Variants in ADCY6 observed in about 807,000 individuals in gnomAD.
ADCY6 encodes the protein adenylate cyclase type 6.
A neutral mutation model predicts 111.6 loss-of-function variants in ADCY6; 59 were observed. The observed-to-expected ratio is 0.53, with a 90% CI of 0.43 to 0.66. The LOEUF is 0.66. Among genes scored for constraint, ADCY6 ranks in the 30% least tolerant of loss-of-function variants. The probability of loss-of-function intolerance (pLI) is 0.00; values close to 1 mark genes in which losing one functional copy is unlikely to be tolerated. For synonymous variants in ADCY6, 576 were observed against 642.9 expected (o/e 0.90, Z 1.57); for missense variants, 1,242 against 1,595.6 (o/e 0.78, Z 3.78).
chr12:48,781,851 C>T (rs1941853077), intron 2 of ADCY6, among the ~76,000 whole-genome samples: 2 of 152,230 alleles, frequency 1.3e-5, no homozygotes, highest in East Asian at 3.8e-4. Flanking sequence ...GAGGCAGCAA[C>T]AGGCATGGAC....
rs1019150760 is a variant in ADCY6, at chr12:48,777,517, G to A, written c.1141C>T (p.Leu381=). The A allele has an allele frequency of 2.5e-6, 4 of 1,614,056 alleles. No homozygotes were observed. Among genetic ancestry groups the A allele is most frequent in the Middle Eastern group, 1.6e-4 (1 of 6,084 alleles). Residue 381 remains leucine (L), a synonymous_variant, in exon 5 of 22, where the codon CTG becomes TTG. Transcript: ENST00000357869. The surrounding 1 kb of genome is among the most constrained non-coding windows in gnomAD (Gnocchi z 4.9). ...YIQKHDNVSI[L]FADIEGFTSL... is the part of the protein sequence containing the mutation. ...GTGAAGCCCTCAATGTCTGCAAACA[G>A]GATGCTGTAGATGACAGCAGAGGAT...
In ADCY6 at chr12:48,771,792, TCA is replaced by T. The variant is rs762784516; in HGVS notation, c.2967_2968del (p.Glu990ValfsTer10). ...GTTTGCCTCCAGCTCCACATAGAAC[TCA>T]GAGAAGTTGGCAATGGAGGCAAACA... On this transcript the variant is annotated frameshift_variant, in exon 19 of 22. Coordinates refer to ENST00000357869, the MANE Select transcript of ADCY6 (RefSeq NM_015270.5). LOFTEE classifies it high-confidence loss of function. This position sits in a 1 kb window ranked among gnomAD's most constrained non-coding sequence, Gnocchi z 4.3. 6.2e-7 allele frequency: 1 copy of T among 1,614,124 alleles called. No homozygotes were observed. The highest frequency in any genetic ancestry group is 1.7e-5 in the Admixed American group (1 of 60,022).
intron 14 of ADCY6, 134 bp downstream of exon 14, chr12:48,774,268 G>C: frequency 9.3e-7 from 1 of 1,080,734 alleles, no homozygotes; most frequent in Non-Finnish European, 1.4e-6. Context: ...AGGAGAACCG[G>C]AGTTAACCTT....
chr12:48,775,056 TGAGG>T lies in ADCY6; in HGVS notation c.1981-6_1981-3del. On this transcript the variant is annotated splice_region_variant and splice_polypyrimidine_tract_variant and intron_variant, in intron 11 of 21. Transcript: ENST00000357869. ...GCGGGGATCCACCTTCCGGGAGTAC[TGAGG>T]GAGAGGAGGCTGAGCTGAGTGCTGG... The T allele has an allele frequency of 1.3e-6, 2 of 1,553,384 alleles. No individual in the cohort carries two copies. Among genetic ancestry groups the T allele is most frequent in the Non-Finnish European group, 1.7e-6 (2 of 1,147,768 alleles).
chr12:48,788,885 C>A, intron 1 of ADCY6, 21 bp downstream of exon 1: 1 of 151,476 alleles, frequency 6.6e-6, no homozygotes, highest in South Asian at 2.0e-4. Flanking sequence ...GGCCACTTCC[C>A]CTAGCCCTCA....
intron 10 of ADCY6, 35 bp from the exon 11 acceptor site, chr12:48,775,485 G>T (rs1399364448): frequency 1.2e-6 from 2 of 1,611,934 alleles, no homozygotes; most frequent in Non-Finnish European, 1.7e-6. Flanking sequence ...CCAGTTGCAT[G>T]GGCATGGCCA....
intron 14 of ADCY6, 97 bp downstream of exon 14, chr12:48,774,305 A>G: frequency 7.7e-7 from 1 of 1,305,060 alleles, no homozygotes; most frequent in Non-Finnish European, 1.1e-6. Context: ...GGGCTCCCTG[A>G]GGGCAGAAAA....
chr12:48,769,152 G>A (rs1211197772), intron 20 of ADCY6, 91 bp from the exon 21 acceptor site: 2 of 1,334,406 alleles, frequency 1.5e-6, no homozygotes, highest in Admixed American at 5.3e-5. Context: ...GAAGGACCCA[G>A]AGAAAAAAAT....
chr12:48,785,646 T>C (rs1941967229), intron 1 of ADCY6, among the ~76,000 whole-genome samples: 1 of 152,118 alleles, frequency 6.6e-6, no homozygotes, highest in African/African-American at 2.4e-5. Flanking sequence ...ATAATAAATG[T>C]TCATTGAGTA....
chr12:48,776,712 C>G lies in ADCY6; in HGVS notation c.1377-126G>C. On this transcript the variant is annotated intron_variant, in intron 6 of 21. Transcript: ENST00000357869. The surrounding 1 kb of genome is among the most constrained non-coding windows in gnomAD (Gnocchi z 6.1). ...GACCCAGATGCAGGGGACGGGAGCA[C>G]AGCCTTGGTTGGACATGAGCAGAAG... is the stretch of plus-strand genomic sequence containing the variant. The G allele has an allele frequency of 7.8e-7, 1 of 1,289,652 alleles. No individual in the cohort carries two copies. Among genetic ancestry groups the G allele is most frequent in the Non-Finnish European group, 1.0e-6 (1 of 959,714 alleles). The allele number at this position is 1,289,652 out of a possible 1,614,324, so 79.9% of individuals were successfully genotyped here.
chr12:48,769,856 G>A (rs1274367592), intron 20 of ADCY6, among the ~76,000 whole-genome samples: 1 of 151,276 alleles, frequency 6.6e-6, no homozygotes, highest in East Asian at 1.9e-4. Context: ...CCGCCTCCCG[G>A]GTTCACACCA....
intron 2 of ADCY6, among the ~76,000 whole-genome samples, chr12:48,778,661 T>C (rs1941769181): frequency 6.6e-6 from 1 of 152,168 alleles, no homozygotes; most frequent in African/African-American, 2.4e-5. Flanking sequence ...CATCCTCCTG[T>C]GAGTGACCCA....
Position 48,783,043 on chromosome 12 carries a change from A to C in ADCY6, c.392T>G (p.Phe131Cys). 6.2e-7 allele frequency: 1 copy of C among 1,613,462 alleles called. No individual in the cohort carries two copies. Among genetic ancestry groups the C allele is most frequent in the Non-Finnish European group, 8.5e-7 (1 of 1,179,856 alleles). ...CAGGCGCTCCAGCTTGGCCGAACGG[A>C]ACTGCTTCGACTGGAACACCTGCAC... ...RLVQVFQSKQ[F>C]RSAKLERLYQ... is the part of the protein sequence containing the mutation. The change falls in exon 2 of 22, where the codon TTC becomes TGC. Residue 131 changes from phenylalanine to cysteine, a missense_variant. Physicochemically the swap from Phe to Cys is radical, Grantham distance 205. Coordinates refer to ENST00000357869, the MANE Select transcript of ADCY6 (RefSeq NM_015270.5).
At position 48,766,389 on chromosome 12, in the gene ADCY6, C is replaced by T. The variant is rs1941379295; in HGVS notation, c.*2202G>A. The T allele has an allele frequency of 1.3e-5, 2 of 152,642 alleles. No homozygotes were observed. Among genetic ancestry groups the T allele is most frequent in the Admixed American group, 1.3e-4 (2 of 15,280 alleles). The allele number at this position is 152,642 out of a possible 1,614,324, so 9.5% of individuals were successfully genotyped here. On this transcript the variant is annotated 3_prime_UTR_variant, in exon 22 of 22. Transcript: ENST00000357869. ...GCCCAGGGGAAGGGCATGGCTGGCA[C>T]TGTGGTACGGGGATCCAGGGTGTGG...
chr12:48,774,138 GA>G, intron 14 of ADCY6, 40 bp from the exon 15 acceptor site: 1 of 1,571,422 alleles, frequency 6.4e-7, no homozygotes, highest in Non-Finnish European at 8.7e-7. Context: ...ACCAAGGAGG[GA>G]AAGGGTTGCA....
Position 48,777,655 on chromosome 12 carries a change from T to A in ADCY6, c.1096A>T (p.Met366Leu). The A allele has an allele frequency of 6.2e-7, 1 of 1,613,966 alleles. No homozygotes were observed. Among genetic ancestry groups the A allele is most frequent in the Non-Finnish European group, 8.5e-7 (1 of 1,179,976 alleles). The change falls in exon 4 of 22, where the codon ATG becomes TTG. Residue 366 changes from methionine to leucine, a missense_variant. Around this residue, in one of 4 missense-constraint regions of ADCY6, gnomAD observed 260 missense variants for 414.6 expected, o/e 0.63. Coordinates refer to ENST00000357869, the MANE Select transcript of ADCY6 (RefSeq NM_015270.5). The surrounding 1 kb of genome is among the most constrained non-coding windows in gnomAD (Gnocchi z 4.9). ...TTCTGTATGTAGATCTTGTGGAACATCATGTCTTCTTTTTTTGTGTTGATG... is the reference window on the plus strand; with the variant it reads ...TTCTGTATGTAGATCTTGTGGAACAACATGTCTTCTTTTTTTGTGTTGATG... ...EDINTKKEDM[M>L]FHKIYIQKHD...
At position 48,771,943 on chromosome 12, in the gene ADCY6, G is replaced by A. The variant is rs1941557913; in HGVS notation, c.2818C>T (p.Leu940=). Reference sequence around the variant, plus strand: ...AGCAGCCTCCGGTTGTATGCCTGTAGCTCCTCCATCTCCTCCTTCTCCCCT... The same window carrying A: ...AGCAGCCTCCGGTTGTATGCCTGTAACTCCTCCATCTCCTCCTTCTCCCCT... The part of the protein sequence containing the change: ...ATGEKEEMEE[L]QAYNRRLLHN... Residue 940 remains leucine, a synonymous_variant, in exon 19 of 22, where the codon CTA becomes TTA. Coordinates refer to ENST00000357869, the MANE Select transcript of ADCY6 (RefSeq NM_015270.5). This position sits in a 1 kb window ranked among gnomAD's most constrained non-coding sequence, Gnocchi z 4.3. The A allele has an allele frequency of 6.2e-7, 1 of 1,613,320 alleles. No homozygotes were observed. The highest frequency in any genetic ancestry group is 1.1e-5 in the South Asian group (1 of 91,022).
Position 48,776,566 on chromosome 12 carries a change from C to G in ADCY6, c.1397G>C (p.Gly466Ala). 2 of 1,611,560 alleles carry G rather than the reference C, an allele frequency of 1.2e-6. No individual in the cohort carries two copies. Among genetic ancestry groups the G allele is most frequent in the Non-Finnish European group, 1.7e-6 (2 of 1,179,614 alleles). Residue 466 changes from glycine to alanine, a missense_variant, in exon 7 of 22, where the codon GGT (glycine) becomes GCT (alanine). Physicochemically the swap from Gly to Ala is moderately conservative, Grantham distance 60. Around this residue, in one of 4 missense-constraint regions of ADCY6, gnomAD observed 260 missense variants for 414.6 expected, o/e 0.63. Coordinates refer to ENST00000357869, the MANE Select transcript of ADCY6 (RefSeq NM_015270.5). This position sits in a 1 kb window ranked among gnomAD's most constrained non-coding sequence, Gnocchi z 6.1. ...GCCCACGCGCATGTTCACATTCACA[C>G]CTGTCACCTCACGTACCAGCCTGGG... ...EAISLVREVT[G>A]VNVNMRVGIH... is the part of the protein sequence containing the mutation.
chr12:48,772,401 A>AG lies in ADCY6; in HGVS notation c.2680dup (p.Leu894ProfsTer57). ...CAGAATCACAGGGGTCATATATTTG[A>AG]GGGCCACCCTCCCTGCAGCTGGACT... On this transcript the variant is annotated frameshift_variant, in exon 18 of 22. Coordinates refer to ENST00000357869, the MANE Select transcript of ADCY6 (RefSeq NM_015270.5). LOFTEE classifies it high-confidence loss of function. 6.2e-7 allele frequency: 1 copy of AG among 1,614,166 alleles called. No individual in the cohort carries two copies. Among genetic ancestry groups the AG allele is most frequent in the Non-Finnish European group, 8.5e-7 (1 of 1,180,010 alleles).
Sources: allele counts gnomAD v4.1 joint callset (sites outside exome capture counted in the v4.1 genomes callset), GRCh38; gene constraint gnomAD v4.1.1; regional missense constraint gnomAD v4.1.1; non-coding constraint Gnocchi (gnomAD v3.1); transcripts MANE v1.5; gene names NCBI Gene and HGNC (gene_info 2026-07-23, HGNC 2026-07-21).